The following TBC1D5 variants were observed in gnomAD, a reference collection of about 807,000 sequenced individuals.
TBC1D5 encodes TBC1 domain family member 5, also known as TBC1 domain family, member 5.
A neutral mutation model predicts 100.3 loss-of-function variants in TBC1D5; 75 were observed. The observed-to-expected ratio is 0.75, with a 90% CI of 0.62 to 0.91. The LOEUF (loss-of-function observed/expected upper bound fraction) is 0.91, where lower values mean the gene tolerates loss of function less well. Ranked by LOEUF, TBC1D5 falls within the 40% of genes least tolerant of loss-of-function variation. The pLI is 0.00. For missense variants in TBC1D5, 910 were observed against 942.4 expected, an observed-to-expected ratio of 0.97 and a Z score of 0.45; for synonymous variants, 323 against 325.6, an observed-to-expected ratio of 0.99 and a Z score of 0.09.
intron 1 of TBC1D5, among the ~76,000 whole-genome samples, chr3:17,695,096 G>A (rs940104725): frequency 6.6e-6 from 1 of 152,138 alleles, no homozygotes; most frequent in Non-Finnish European, 1.5e-5. Context: ...CCTGAAGGAA[G>A]CACTAAACAC....
chr3:17,174,618 G>C (rs1458782151), intron 19 of TBC1D5, among the ~76,000 whole-genome samples: 2 of 152,090 alleles, frequency 1.3e-5, no homozygotes, highest in African/African-American at 2.4e-5. Context: ...TTTTGAGACA[G>C]AGTCTTGCTC....
chr3:17,668,172 GATAT>G (rs372133915), intron 1 of TBC1D5, among the ~76,000 whole-genome samples: 1 of 145,878 alleles, frequency 6.9e-6, no homozygotes, highest in Non-Finnish European at 1.5e-5. Context: ...ATATATTTAA[GATAT>G]ATATATATAT....
intron 2 of TBC1D5, among the ~76,000 whole-genome samples, chr3:17,589,796 A>G (rs2096754972): frequency 2.6e-5 from 4 of 152,170 alleles, no homozygotes; most frequent in Admixed American, 2.6e-4. Flanking sequence ...AAACCTTTGT[A>G]AGCACTGAAA....
chr3:17,732,025 C>CTCTTCT (rs2076601632), intron 1 of TBC1D5, among the ~76,000 whole-genome samples: 1 of 152,042 alleles, frequency 6.6e-6, no homozygotes, highest in South Asian at 2.1e-4. Flanking sequence ...TCTAAGATAA[C>CTCTTCT]AGACTCTTCG....
At chr3:17,396,688 TAAC>T (rs971475777) in intron 8 of TBC1D5, among the ~76,000 whole-genome samples, 1 of 152,006 alleles carries the variant, frequency 6.6e-6, no homozygotes, top group African/African-American at 2.4e-5. Flanking sequence ...TACTACAATG[TAAC>T]ATAATAACTA....
At chr3:17,642,833 GACTTTTTA>G (rs1226667922) in intron 1 of TBC1D5, among the ~76,000 whole-genome samples, 2 of 151,990 alleles carry the variant, frequency 1.3e-5, no homozygotes, top group African/African-American at 4.8e-5. Flanking sequence ...TTCCAAAAGG[GACTTTTTA>G]ACTTTTTATT....
intron 18 of TBC1D5, among the ~76,000 whole-genome samples, chr3:17,192,586 A>G (rs2070090365): frequency 6.6e-6 from 1 of 152,198 alleles, no homozygotes; most frequent in Non-Finnish European, 1.5e-5. Flanking sequence ...CCATTTTTGG[A>G]CAGGATGTAA....
At chr3:17,167,040 G>T in intron 20 of TBC1D5, 112 bp from the exon 22 acceptor site, 1 of 991,688 alleles carries the variant, frequency 1.0e-6, no homozygotes, top group Non-Finnish European at 1.4e-6. Context: ...ATTTTTTATA[G>T]TATGAATATT....
Position 17,343,803 on chromosome 3 carries a change from CGGT to C in TBC1D5, c.995+28269_995+28271del, listed in dbSNP as rs1296766706. 5.3e-5 allele frequency among the ~76,000 whole-genome samples: 8 copies of C among 152,194 alleles called. No homozygotes were observed. The East Asian group carries it at 1.3e-3, about 26-fold the overall frequency. On this transcript the variant is annotated intron_variant, in intron 13 of 21. Transcript: ENST00000253692. ...ATGGTAGGTTGTATTTCTGTGGGAT[CGGT>C]GGTGATATCCCCTTTATCATTTTTT...
chr3:17,479,858 G>C (rs558908684), intron 3 of TBC1D5, among the ~76,000 whole-genome samples: 1 of 152,174 alleles, frequency 6.6e-6, no homozygotes, highest in Non-Finnish European at 1.5e-5. Flanking sequence ...CTGCGGGAGC[G>C]AGGGACAGGC....
intron 19 of TBC1D5, among the ~76,000 whole-genome samples, chr3:17,172,911 T>C (rs781719648): frequency 2.4e-4 from 37 of 152,134 alleles, no homozygotes; most frequent in Admixed American, 4.6e-4. Flanking sequence ...AAGCAGAACA[T>C]CTGGCTTTAA....
chr3:17,158,378 A>G (rs901768332), exon 22 of TBC1D5: 2 of 152,258 alleles, frequency 1.3e-5, no homozygotes, highest in African/African-American at 4.8e-5. Flanking sequence ...AAAATGTACA[A>G]TTAAACATAA....
intron 1 of TBC1D5, among the ~76,000 whole-genome samples, chr3:17,684,025 T>C (rs2153815691): frequency 6.6e-6 from 1 of 152,214 alleles, no homozygotes; most frequent in South Asian, 2.1e-4. Context: ...TCCCCAAATA[T>C]ATGTTAATAA....
In TBC1D5 at chr3:17,188,725, G is replaced by T. The variant is rs569188622; in HGVS notation, c.1753-3517C>A. Among the ~76,000 whole-genome samples the T allele has an allele frequency of 2.6e-5, 4 of 152,252 alleles. No individual in the cohort carries two copies. The East Asian group carries it at 7.7e-4, about 29-fold the overall frequency. ...CCAAGAATCAAGCTTCCAAAACTGT[G>T]GGAACTGACTTTACATTTTTATCTT... is the stretch of plus-strand genomic sequence containing the variant. On this transcript the variant is annotated intron_variant, in intron 18 of 21. Transcript: ENST00000253692.
At chr3:17,531,271 T>A (rs1351230960) in intron 2 of TBC1D5, among the ~76,000 whole-genome samples, 3 of 152,196 alleles carry the variant, frequency 2.0e-5, no homozygotes, top group African/African-American at 7.2e-5. Context: ...GGAATCAAAC[T>A]TACAAGGGAT....
At position 17,620,808 on chromosome 3, in the gene TBC1D5, A is replaced by G. The variant is rs541730203; in HGVS notation, c.-36+3041T>C. ...TAAGGATGTAAAGAAAGGGGGCACA[A>G]AAGCTGAAAGAAAACTAATACAAGT... On this transcript the variant is annotated intron_variant, in intron 2 of 21. Coordinates refer to ENST00000253692, the Ensembl canonical transcript of TBC1D5. 3.3e-5 allele frequency among the ~76,000 whole-genome samples: 5 copies of G among 152,272 alleles called. No homozygotes were observed. In the South Asian group the frequency reaches 1.0e-3, roughly 32 times the overall value.
chr3:17,723,106 T>C (rs528296598), intron 1 of TBC1D5, among the ~76,000 whole-genome samples: 37 of 152,332 alleles, frequency 2.4e-4, no homozygotes, highest in African/African-American at 7.9e-4. Context: ...GCAACTATTA[T>C]TAACTATATT....
At chr3:17,240,470 T>C (rs1249690942) in intron 16 of TBC1D5, among the ~76,000 whole-genome samples, 1 of 152,188 alleles carries the variant, frequency 6.6e-6, no homozygotes, top group African/African-American at 2.4e-5. Context: ...TTTCATTTTT[T>C]AGGTGCTTCC....
intron 2 of TBC1D5, among the ~76,000 whole-genome samples, chr3:17,528,455 A>G (rs1160210528): frequency 6.6e-6 from 1 of 152,156 alleles, no homozygotes; most frequent in Non-Finnish European, 1.5e-5. Flanking sequence ...CAGACACTGA[A>G]CCTGCTCTCA....
Sources: gnomAD v4.1 joint callset for allele counts (sites outside exome capture counted in the v4.1 genomes callset) on GRCh38, gnomAD v4.1.1 for gene constraint, MANE v1.5 for transcripts, NCBI Gene and HGNC (gene_info 2026-07-23, HGNC 2026-07-21) for gene names.